DCC: variants seen among roughly 807,000 people sequenced by gnomAD.
DCC encodes netrin receptor DCC.
A neutral mutation model predicts 172.5 loss-of-function variants in DCC; 58 were observed. The ratio of observed to expected loss-of-function variants is 0.34; its 90% CI spans 0.27 to 0.42. The LOEUF is 0.42. Ranked by LOEUF, DCC falls within the 10% of genes least tolerant of loss-of-function variation. DCC has a pLI of 1.00. For synonymous variants in DCC, 709 were observed against 644.5 expected, an observed-to-expected ratio of 1.10 and a Z score of -1.52; for missense variants, 1,740 against 1,791.0, an observed-to-expected ratio of 0.97 and a Z score of 0.51.
chr18:52,807,419 A>T (rs11872111), intron 2 of DCC, among the ~76,000 whole-genome samples: 11,622 of 152,232 alleles, frequency 0.076, 1,426 homozygotes, highest in African/African-American at 0.26. Flanking sequence ...CTGTGATATT[A>T]ATACACTCAC....
chr18:52,381,423 G>A (rs1354502500), intron 1 of DCC, among the ~76,000 whole-genome samples: 2 of 152,062 alleles, frequency 1.3e-5, no homozygotes, highest in Admixed American at 6.6e-5. Context: ...TGGCCAGCAG[G>A]CTGATACATA....
chr18:53,077,926 A>G (rs1016249443), intron 7 of DCC, among the ~76,000 whole-genome samples: 1 of 152,166 alleles, frequency 6.6e-6, no homozygotes, highest in African/African-American at 2.4e-5. Context: ...CAACTTTCCA[A>G]TATGATAGGG....
intron 5 of DCC, among the ~76,000 whole-genome samples, chr18:53,017,071 T>C (rs1188655915): frequency 6.7e-6 from 1 of 150,270 alleles, no homozygotes; most frequent in African/African-American, 2.4e-5. Context: ...TTTTTTTTCT[T>C]TTTCTTTTCT....
In DCC at chr18:53,416,554, T is replaced by C. The variant is rs903621487; in HGVS notation, c.3163+398T>C. On this transcript the variant is annotated intron_variant, in intron 21 of 28. Coordinates refer to ENST00000442544, the MANE Select transcript of DCC (RefSeq NM_005215.4). ...TCTGTAGCTCTACAGAGAAAACCCG[T>C]AAATTATGTGTGATTTTCCTCTGCA... 37 of 255,592 alleles carry C rather than the reference T, an allele frequency of 1.4e-4. No homozygotes were observed. The Admixed American group carries it at 1.6e-3, about 11-fold the overall frequency. The allele number at this position is 255,592 out of a possible 1,614,324, so 15.8% of individuals were successfully genotyped here. A position where few individuals can be genotyped will look rare whatever the true frequency, so the allele number is the denominator to read the frequency against.
chr18:52,577,660 C>A (rs879548937), intron 1 of DCC, among the ~76,000 whole-genome samples: 2 of 152,108 alleles, frequency 1.3e-5, no homozygotes, highest in South Asian at 2.1e-4. Flanking sequence ...TGAAGTAATG[C>A]AAGGCTTGTA....
intron 1 of DCC, among the ~76,000 whole-genome samples, chr18:52,527,651 C>T (rs1444380704): frequency 6.6e-6 from 1 of 152,182 alleles, no homozygotes; most frequent in Non-Finnish European, 1.5e-5. Flanking sequence ...TCTCATCTCT[C>T]AGTCTGCAGA....
At chr18:52,428,672 A>T (rs993407047) in intron 1 of DCC, among the ~76,000 whole-genome samples, 1 of 152,140 alleles carries the variant, frequency 6.6e-6, no homozygotes, top group Non-Finnish European at 1.5e-5. Flanking sequence ...TAAACTTGGT[A>T]CTAGGCATTT....
intron 7 of DCC, among the ~76,000 whole-genome samples, chr18:53,156,520 A>G (rs2054737384): frequency 6.6e-6 from 1 of 151,538 alleles, no homozygotes; most frequent in Non-Finnish European, 1.5e-5. Flanking sequence ...CTTCGTTACC[A>G]TTTTTTAATA....
At chr18:52,572,258 G>A (rs566721654) in intron 1 of DCC, among the ~76,000 whole-genome samples, 2 of 152,110 alleles carry the variant, frequency 1.3e-5, no homozygotes, top group Non-Finnish European at 2.9e-5. Flanking sequence ...TATCCCCCTC[G>A]TCGACAGATA....
At chr18:53,116,848 C>T (rs2043416193) in intron 7 of DCC, among the ~76,000 whole-genome samples, 1 of 151,524 alleles carries the variant, frequency 6.6e-6, no homozygotes. Context: ...TTTATCTCAC[C>T]CATTTCCCTA....
chr18:52,850,618 G>GT (rs564163906), intron 2 of DCC, among the ~76,000 whole-genome samples: 3 of 152,022 alleles, frequency 2.0e-5, no homozygotes, highest in African/African-American at 7.2e-5. Context: ...CTCCTTGACA[G>GT]TTTTTTTCCC....
intron 2 of DCC, among the ~76,000 whole-genome samples, chr18:52,805,722 A>G (rs2038072646): frequency 6.6e-6 from 1 of 152,242 alleles, no homozygotes; most frequent in Non-Finnish European, 1.5e-5. Flanking sequence ...ATGGATTACC[A>G]TGACTTAAAC....
chr18:52,842,420 C>A lies in DCC; in HGVS notation c.413-63624C>A, dbSNP rs984270606. On this transcript the variant is annotated intron_variant, in intron 2 of 28. Coordinates refer to ENST00000442544, the MANE Select transcript of DCC (RefSeq NM_005215.4). ...TTGAGGTAGGAGATTGATGTACCAA[C>A]TTGTCAGTCAGGTAGAAAGAATCTT... 2.6e-5 allele frequency among the ~76,000 whole-genome samples: 4 copies of A among 152,160 alleles called. No individual in the cohort carries two copies. The South Asian group carries it at 8.3e-4, about 32-fold the overall frequency.
At chr18:52,572,404 A>G (rs1243244700) in intron 1 of DCC, among the ~76,000 whole-genome samples, 1 of 152,188 alleles carries the variant, frequency 6.6e-6, no homozygotes, top group Non-Finnish European at 1.5e-5. Context: ...CGAGATTTCA[A>G]GGCAGCTTGA....
intron 5 of DCC, among the ~76,000 whole-genome samples, chr18:53,062,735 A>C (rs2042513549): frequency 6.6e-6 from 1 of 152,176 alleles, no homozygotes; most frequent in African/African-American, 2.4e-5. Flanking sequence ...AATACAGTAT[A>C]GTAATACACT....
At chr18:53,439,455 G>A (rs1274698353) in intron 22 of DCC, among the ~76,000 whole-genome samples, 1 of 152,186 alleles carries the variant, frequency 6.6e-6, no homozygotes, top group South Asian at 2.1e-4. Context: ...GAATTATAGA[G>A]GTTTCCTAGC....
intron 7 of DCC, among the ~76,000 whole-genome samples, chr18:53,107,638 G>A (rs1455807908): frequency 4.0e-5 from 6 of 151,446 alleles, no homozygotes; most frequent in African/African-American, 1.2e-4. Flanking sequence ...AGAGTCTCCA[G>A]GGAGATGACC....
intron 12 of DCC, among the ~76,000 whole-genome samples, chr18:53,295,316 G>A (rs1247028433): frequency 6.6e-6 from 1 of 151,908 alleles, no homozygotes; most frequent in East Asian, 1.9e-4. Flanking sequence ...GCATATAAGA[G>A]TAGGAAAAAA....
chr18:52,590,126 A>T (rs866884630), intron 1 of DCC, among the ~76,000 whole-genome samples: 18 of 151,482 alleles, frequency 1.2e-4, no homozygotes, highest in African/African-American at 3.9e-4. Flanking sequence ...ATTTTTGTAC[A>T]TAATTATCCA....
Sources: allele counts gnomAD v4.1 joint callset (sites outside exome capture counted in the v4.1 genomes callset), GRCh38; gene constraint gnomAD v4.1.1; transcripts MANE v1.5; gene names NCBI Gene and HGNC (gene_info 2026-07-23, HGNC 2026-07-21).